Variants in MGAT5 observed in about 807,000 individuals in gnomAD.
MGAT5 encodes alpha-1,6-mannosylglycoprotein 6-beta-N-acetylglucosaminyltransferase.
Under a neutral mutation model 94.3 loss-of-function variants are expected in MGAT5, and 30 were observed. That is an observed-to-expected ratio of 0.32 (90% confidence interval 0.24 to 0.43). The LOEUF is 0.43. Ranked by LOEUF, MGAT5 falls within the 20% of genes least tolerant of loss-of-function variation. The probability of loss-of-function intolerance (pLI) is 1.00; values close to 1 mark genes in which losing one functional copy is unlikely to be tolerated. For synonymous variants in MGAT5, 310 were observed against 322.9 expected, an observed-to-expected ratio of 0.96 and a Z score of 0.43; for missense variants, 691 against 905.5, an observed-to-expected ratio of 0.76 and a Z score of 3.04.
upstream of MGAT5, among the ~76,000 whole-genome samples, chr2:134,249,787 G>A (rs945751480): frequency 6.6e-6 from 1 of 152,214 alleles, no homozygotes; most frequent in South Asian, 2.1e-4. Context: ...CCTAGAAGCA[G>A]AATTGTTTGG....
chr2:134,404,585 T>G (rs1363974860), intron 11 of MGAT5, among the ~76,000 whole-genome samples: 1 of 152,128 alleles, frequency 6.6e-6, no homozygotes, highest in Non-Finnish European at 1.5e-5. Context: ...ACACTCAAAC[T>G]TAAGAACTCT....
intron 10 of MGAT5, among the ~76,000 whole-genome samples, chr2:134,390,870 T>C (rs7591138): frequency 0.18 from 27,449 of 152,118 alleles, 2,635 homozygotes; most frequent in Middle Eastern, 0.27. Flanking sequence ...TTCCAACCTC[T>C]CTGTATGGTT....
chr2:134,226,822 A>G (rs1236000114), intron 1 of MGAT5, among the ~76,000 whole-genome samples: 1 of 152,184 alleles, frequency 6.6e-6, no homozygotes, highest in African/African-American at 2.4e-5. Flanking sequence ...TACATGACTA[A>G]AACACCAGCA....
chr2:134,381,919 A>G (rs1399470693), intron 10 of MGAT5, among the ~76,000 whole-genome samples: 3 of 152,192 alleles, frequency 2.0e-5, no homozygotes, highest in African/African-American at 7.2e-5. Flanking sequence ...TACATTTGAA[A>G]TGTATATTCT....
intron 1 of MGAT5, among the ~76,000 whole-genome samples, chr2:134,153,863 T>C (rs1687347169): frequency 6.6e-6 from 1 of 152,178 alleles, no homozygotes; most frequent in African/African-American, 2.4e-5. Context: ...CCTAATGCTA[T>C]GAGGGTTAAG....
At chr2:134,172,850 C>T (rs1009323039) in intron 1 of MGAT5, among the ~76,000 whole-genome samples, 1 of 152,214 alleles carries the variant, frequency 6.6e-6, no homozygotes, top group South Asian at 2.1e-4. Flanking sequence ...ATGGGGTCAA[C>T]AGAATGAAAC....
At chr2:134,145,214 C>CTCTGTGTGTGTGTGTGTGTGTGTGTG (rs373377770) in intron 1 of MGAT5, among the ~76,000 whole-genome samples, 8 of 143,870 alleles carry the variant, frequency 5.6e-5, no homozygotes, top group African/African-American at 2.1e-4. Flanking sequence ...GTCTCTCTCT[C>CTCTGTGTGTGTGTGTGTGTGTGTGTG]TGTGTGTGTG....
intron 4 of MGAT5, among the ~76,000 whole-genome samples, chr2:134,320,790 G>A (rs957020058): frequency 1.6e-4 from 25 of 152,140 alleles, no homozygotes; most frequent in African/African-American, 6.0e-4. Context: ...GGGGATAGAG[G>A]CCAAACAGTA....
intron 1 of MGAT5, among the ~76,000 whole-genome samples, chr2:134,134,755 G>T (rs2104928384): frequency 6.6e-6 from 1 of 152,250 alleles, no homozygotes; most frequent in Admixed American, 6.5e-5. Flanking sequence ...TATTGGTTGG[G>T]GACCAGGGAT....
At chr2:134,398,744 T>TG (rs1553460816) in intron 10 of MGAT5, among the ~76,000 whole-genome samples, 1 of 151,900 alleles carries the variant, frequency 6.6e-6, no homozygotes, top group East Asian at 1.9e-4. Flanking sequence ...TTCGGCCATT[T>TG]AAAAAAATGG....
At chr2:134,338,924 A>C (rs1688482307) in intron 6 of MGAT5, among the ~76,000 whole-genome samples, 1 of 152,054 alleles carries the variant, frequency 6.6e-6, no homozygotes, top group African/African-American at 2.4e-5. Flanking sequence ...ACAGGCTTGG[A>C]AAACCTCTCG....
intron 15 of MGAT5, among the ~76,000 whole-genome samples, chr2:134,443,000 C>T (rs1305099107): frequency 1.3e-5 from 2 of 152,122 alleles, no homozygotes; most frequent in African/African-American, 2.4e-5. Context: ...TCAGGCTTCA[C>T]GCCCTGTTAG....
At chr2:134,217,238 GGTGT>G (rs35795776) in intron 1 of MGAT5, among the ~76,000 whole-genome samples, 261 of 145,222 alleles carry the variant, frequency 1.8e-3, no homozygotes, top group South Asian at 4.9e-3. Flanking sequence ...GAGAGAGAGT[GGTGT>G]GTGTGTGTGT....
Position 134,449,060 on chromosome 2 carries a change from C to G in MGAT5, c.*213C>G, listed in dbSNP as rs909174678. On this transcript the variant is annotated 3_prime_UTR_variant, in exon 16 of 16. Transcript: ENST00000281923. ...ACAAGAGCGTATGTCAGGCCAGGAGCCTGGCTTGTCCCTGGCACAACATCA... is the reference window on the plus strand; with the variant it reads ...ACAAGAGCGTATGTCAGGCCAGGAGGCTGGCTTGTCCCTGGCACAACATCA... 1.6e-5 allele frequency: 9 copies of G among 578,590 alleles called. No individual in the cohort carries two copies. In the African/African-American group the frequency reaches 1.7e-4, roughly 11 times the overall value. 35.8% of individuals were successfully genotyped at this position (578,590 alleles called of 1,614,324 possible). A position where few individuals can be genotyped will look rare whatever the true frequency, so the allele number is the denominator to read the frequency against.
chr2:134,387,333 T>TA (rs1491455775), intron 10 of MGAT5, among the ~76,000 whole-genome samples: 64 of 9,658 alleles, frequency 6.6e-3, no homozygotes, highest in South Asian at 9.8e-3. Context: ...TATATATATA[T>TA]TTTTTTTTTT....
rs191788741 is a variant in MGAT5 at position 134,163,038 on chromosome 2, C to A, written c.-143+42747C>A. 2.8e-3 allele frequency among the ~76,000 whole-genome samples: 422 copies of A among 152,236 alleles called. 4 individuals are homozygous for A. Among genetic ancestry groups the A allele is most frequent in the Admixed American group, 0.026 (393 of 15,292 alleles). The stretch of plus-strand genomic sequence containing the variant: ...AAGATTCTGTGTCTGAAATACTCTT[C>A]AGAGACACCAAGAAGTGTAAGACGT... On this transcript the variant is annotated intron_variant, in intron 1 of 16. Coordinates refer to the MGAT5 transcript ENST00000409645.
chr2:134,225,137 A>C (rs1401549172), intron 1 of MGAT5, among the ~76,000 whole-genome samples: 1 of 151,552 alleles, frequency 6.6e-6, no homozygotes, highest in East Asian at 1.9e-4. Flanking sequence ...TCCAATCTCA[A>C]GGCACCGCAT....
chr2:134,180,460 G>A lies in MGAT5; in HGVS notation c.-143+60169G>A, dbSNP rs138870160. Among the ~76,000 whole-genome samples, 676 of 152,304 alleles carry A rather than the reference G, an allele frequency of 4.4e-3. 5 individuals are homozygous for A. The highest frequency in any genetic ancestry group is 7.0e-3 in the Non-Finnish European group (477 of 68,030). On this transcript the variant is annotated intron_variant, in intron 1 of 16. Coordinates refer to the MGAT5 transcript ENST00000409645. Reference sequence around the variant, plus strand: ...GTTTGTAATCCTGGTGTAAAACCATGTATTTCATAGGATCAGTTCACACAG... The same window carrying A: ...GTTTGTAATCCTGGTGTAAAACCATATATTTCATAGGATCAGTTCACACAG...
At chr2:134,152,560 C>T (rs964309241) in intron 1 of MGAT5, among the ~76,000 whole-genome samples, 1 of 152,244 alleles carries the variant, frequency 6.6e-6, no homozygotes, top group South Asian at 2.1e-4. Flanking sequence ...GTTGCACTGC[C>T]AATCTTCCCC....
Sources: gnomAD v4.1 joint callset for allele counts (sites outside exome capture counted in the v4.1 genomes callset) on GRCh38, gnomAD v4.1.1 for gene constraint, MANE v1.5 for transcripts, NCBI Gene and HGNC (gene_info 2026-07-23, HGNC 2026-07-21) for gene names.